UQCC1: variants seen among roughly 807,000 people sequenced by gnomAD.
The protein encoded by UQCC1 is bFGF-repressed Zic-binding protein.
A neutral mutation model predicts 48.0 loss-of-function variants in UQCC1; 38 were observed. The ratio of observed to expected loss-of-function variants is 0.79; its 90% CI spans 0.61 to 1.04. The LOEUF (loss-of-function observed/expected upper bound fraction) is 1.04. Ranked by LOEUF, UQCC1 falls within the 50% of genes least tolerant of loss-of-function variation. The pLI, the probability that UQCC1 is intolerant of heterozygous loss-of-function variation, is 0.00. For missense variants in UQCC1, 368 were observed against 381.8 expected (o/e 0.96, Z 0.30); for synonymous variants, 111 against 129.2 (o/e 0.86, Z 0.95).
At chr20:35,351,391 C>CA (rs11478013) in intron 6 of UQCC1, among the ~76,000 whole-genome samples, 2,216 of 119,740 alleles carry the variant, frequency 0.019, 63 homozygotes, top group African/African-American at 0.067. Flanking sequence ...GACTCCATCT[C>CA]AAAAAAAAAA....
chr20:35,370,206 A>AATAT (rs143026020), intron 5 of UQCC1, among the ~76,000 whole-genome samples: 1 of 151,780 alleles, frequency 6.6e-6, no homozygotes, highest in African/African-American at 2.4e-5. Flanking sequence ...CTTGGGAAGC[A>AATAT]ATATATATAT....
intron 7 of UQCC1, among the ~76,000 whole-genome samples, chr20:35,320,512 C>T (rs2061112271): frequency 6.6e-6 from 1 of 152,238 alleles, no homozygotes; most frequent in Non-Finnish European, 1.5e-5. Context: ...CCCCACAGCT[C>T]AGGCTATCTG....
In UQCC1 at chr20:35,321,612, T is replaced by C. The variant is rs377022219; in HGVS notation, c.574-6847A>G. Among the ~76,000 whole-genome samples, 4 of 152,300 alleles carry C rather than the reference T, an allele frequency of 2.6e-5. No individual in the cohort carries two copies. In the East Asian group the frequency reaches 5.8e-4, roughly 22 times the overall value. ...GCTTACGTGTATAATCCCCATGCTT[T>C]GTGAGGCCAAGGCAGGTGGATCACT... is the stretch of plus-strand genomic sequence containing the variant. On this transcript the variant is annotated intron_variant, in intron 7 of 9. Coordinates refer to ENST00000374385, the MANE Select transcript of UQCC1 (RefSeq NM_018244.5).
intron 1 of UQCC1, among the ~76,000 whole-genome samples, chr20:35,402,261 A>G (rs2062175798): frequency 6.6e-6 from 1 of 151,986 alleles, no homozygotes; most frequent in African/African-American, 2.4e-5. Context: ...TGGCCAACAC[A>G]GTGAAACCCG....
rs1234958682 is a variant in UQCC1 at position 35,303,797 on chromosome 20, C to A, written c.*138G>T. On this transcript the variant is annotated 3_prime_UTR_variant, in exon 10 of 10. Coordinates refer to ENST00000374385, the MANE Select transcript of UQCC1 (RefSeq NM_018244.5). ...GGGCACACTAAGAGGAAACTCAACA[C>A]AAATGGGGCCAGGTATTTGACAGAT... is the stretch of plus-strand genomic sequence containing the variant. 1.6e-6 allele frequency: 2 copies of A among 1,242,888 alleles called. No individual in the cohort carries two copies. The highest frequency in any genetic ancestry group is 4.7e-5 in the East Asian group (2 of 42,834). 77.0% of individuals were successfully genotyped at this position (1,242,888 alleles called of 1,614,324 possible).
At chr20:35,334,491 TC>T (rs2061292679) in intron 7 of UQCC1, among the ~76,000 whole-genome samples, 1 of 152,242 alleles carries the variant, frequency 6.6e-6, no homozygotes, top group African/African-American at 2.4e-5. Flanking sequence ...TCTCTTCTTG[TC>T]TAGCAAACAC....
At chr20:35,407,532 C>T (rs1313669719) in intron 1 of UQCC1, among the ~76,000 whole-genome samples, 2 of 152,070 alleles carry the variant, frequency 1.3e-5, no homozygotes, top group African/African-American at 4.8e-5. Context: ...AAACAGCAAC[C>T]CATAGGATAG....
At chr20:35,327,369 C>T (rs543553275) in intron 7 of UQCC1, among the ~76,000 whole-genome samples, 1 of 152,244 alleles carries the variant, frequency 6.6e-6, no homozygotes, top group Non-Finnish European at 1.5e-5. Context: ...TGCCAAAATA[C>T]TGACCCAATG....
intron 5 of UQCC1, among the ~76,000 whole-genome samples, chr20:35,369,008 G>C (rs547806818): frequency 3.3e-5 from 5 of 152,254 alleles, no homozygotes; most frequent in Non-Finnish European, 5.9e-5. Flanking sequence ...AATTTTCTTG[G>C]AAGTCTGTCT....
At chr20:35,368,223 C>T (rs926265308) in intron 5 of UQCC1, among the ~76,000 whole-genome samples, 1 of 152,084 alleles carries the variant, frequency 6.6e-6, no homozygotes, top group African/African-American at 2.4e-5. Context: ...AACACATAGG[C>T]CCGGACCCCC....
chr20:35,362,315 A>G (rs997902504), intron 6 of UQCC1, among the ~76,000 whole-genome samples: 10 of 152,184 alleles, frequency 6.6e-5, no homozygotes, highest in Admixed American at 6.5e-5. Flanking sequence ...AAGGCACCAT[A>G]GGTCACATTT....
At chr20:35,317,917 T>A (rs1239670317) in intron 7 of UQCC1, among the ~76,000 whole-genome samples, 1 of 114,436 alleles carries the variant, frequency 8.7e-6, no homozygotes, top group African/African-American at 4.7e-5. Context: ...TGTCCCATCT[T>A]CCAGAAAGGG....
intron 7 of UQCC1, among the ~76,000 whole-genome samples, chr20:35,324,517 G>A (rs188054290): frequency 3.2e-4 from 49 of 152,186 alleles, no homozygotes; most frequent in South Asian, 1.2e-3. Context: ...TAGTAGAGAC[G>A]GGGTTTCACC....
intron 1 of UQCC1, among the ~76,000 whole-genome samples, chr20:35,395,771 C>A (rs1275217128): frequency 1.3e-5 from 2 of 151,938 alleles, no homozygotes; most frequent in East Asian, 3.9e-4. Flanking sequence ...TGAAGAACTT[C>A]CAAAATGGGA....
At chr20:35,365,643 T>C (rs1418181814) in intron 6 of UQCC1, among the ~76,000 whole-genome samples, 1 of 128,296 alleles carries the variant, frequency 7.8e-6, no homozygotes, top group Non-Finnish European at 1.6e-5. Context: ...GGCAGCACAG[T>C]GAGACTATGT....
intron 8 of UQCC1, among the ~76,000 whole-genome samples, chr20:35,311,725 T>G (rs2060997262): frequency 6.6e-6 from 1 of 152,190 alleles, no homozygotes; most frequent in African/African-American, 2.4e-5. Context: ...TAAAATCACC[T>G]GGGAACTTTT....
chr20:35,408,157 G>T (rs1365613513), intron 1 of UQCC1, among the ~76,000 whole-genome samples: 1 of 152,162 alleles, frequency 6.6e-6, no homozygotes, highest in Non-Finnish European at 1.5e-5. Flanking sequence ...GGCCACGTGT[G>T]GTGGTTCACA....
At chr20:35,316,839 C>T (rs898909001) in intron 7 of UQCC1, among the ~76,000 whole-genome samples, 28 of 151,950 alleles carry the variant, frequency 1.8e-4, no homozygotes, top group Non-Finnish European at 2.8e-4. Flanking sequence ...GGGGTTTCAC[C>T]GTGTTAGCCA....
intron 7 of UQCC1, chr20:35,344,441 CAG>C (rs1288281515): frequency 2.6e-5 from 4 of 152,238 alleles, no homozygotes; most frequent in Admixed American, 6.5e-5. Context: ...CAACTTCCAA[CAG>C]AGTTTAGTCA....
Sources: allele counts gnomAD v4.1 joint callset (sites outside exome capture counted in the v4.1 genomes callset), GRCh38; gene constraint gnomAD v4.1.1; transcripts MANE v1.5; gene names NCBI Gene and HGNC (gene_info 2026-07-23, HGNC 2026-07-21).